SCUBE3: variants seen among roughly 807,000 people sequenced by gnomAD.
The protein encoded by SCUBE3 is signal peptide, CUB and EGF-like domain-containing protein 3.
SCUBE3 carries 33 observed loss-of-function variants against 116.8 expected under a neutral mutation model. That is an observed-to-expected ratio of 0.28 (90% CI 0.21 to 0.38). SCUBE3 has a LOEUF of 0.38. Among genes scored for constraint, SCUBE3 ranks in the 10% least tolerant of loss-of-function variants. The pLI is 1.00. For synonymous variants in SCUBE3, 418 were observed against 496.9 expected (o/e 0.84, Z 2.11); for missense variants, 1,007 against 1,324.8 (o/e 0.76, Z 3.72).
intron 1 of SCUBE3, chr6:35,222,775 C>CCA (rs2150286806): frequency 6.6e-6 from 1 of 152,332 alleles, no homozygotes; most frequent in South Asian, 2.1e-4. Context: ...CAAATCCTCC[C>CCA]CACCAACACA....
rs1205212811 is a variant in SCUBE3, at chr6:35,249,898, A to G, written c.*1193A>G. Reference sequence around the variant, plus strand: ...AAGTGCAATCATTTTGAGTCTTTCTATGTTGTCTAGACGGAGGGGTTTTTG... The same window carrying G: ...AAGTGCAATCATTTTGAGTCTTTCTGTGTTGTCTAGACGGAGGGGTTTTTG... On this transcript the variant is annotated 3_prime_UTR_variant, in exon 22 of 22. Transcript: ENST00000274938. The G allele has an allele frequency of 6.6e-6, 1 of 152,624 alleles. No individual in the cohort carries two copies. Among genetic ancestry groups the G allele is most frequent in the African/African-American group, 2.4e-5 (1 of 41,440 alleles). 9.5% of individuals were successfully genotyped at this position (152,624 alleles called of 1,614,324 possible). A position where few individuals can be genotyped will look rare whatever the true frequency, so the allele number is the denominator to read the frequency against.
chr6:35,223,866 G>T (rs1182551025), intron 1 of SCUBE3: 1 of 152,186 alleles, frequency 6.6e-6, no homozygotes, highest in Non-Finnish European at 1.5e-5. Flanking sequence ...TCACAGCTTT[G>T]TCTTAGGTCT....
In SCUBE3 at chr6:35,219,100, G is replaced by C. The variant is rs1158775361; in HGVS notation, c.85+4597G>C. On this transcript the variant is annotated intron_variant, in intron 1 of 21. Transcript: ENST00000274938. The surrounding 1 kb of genome is among the most constrained non-coding windows in gnomAD (Gnocchi z 4.7). ...TCCACTTCTGCCTGCCTGAGGCTAGGTCATCTGGATACTCTTCCTTTCTTC... is the reference window on the plus strand; with the variant it reads ...TCCACTTCTGCCTGCCTGAGGCTAGCTCATCTGGATACTCTTCCTTTCTTC... 6.6e-6 allele frequency among the ~76,000 whole-genome samples: 1 copy of C among 152,120 alleles called. No individual in the cohort carries two copies. The highest frequency in any genetic ancestry group is 1.5e-5 in the Non-Finnish European group (1 of 68,028).
At chr6:35,248,510 C>T (rs1253175234) in intron 21 of SCUBE3, 46 bp from the exon 22 acceptor site, 2 of 1,599,464 alleles carry the variant, frequency 1.3e-6, no homozygotes, top group Non-Finnish European at 1.7e-6. Context: ...TTCTCTTTCC[C>T]ACCCCCGACG....
rs1231700392 is a variant in SCUBE3, at chr6:35,252,696, A to T, written c.*3991A>T. Reference sequence around the variant, plus strand: ...TAGCACACCCTATCCTTGTGCCATTATTTGTACAAGGAAATATATGATTAG... The same window carrying T: ...TAGCACACCCTATCCTTGTGCCATTTTTTGTACAAGGAAATATATGATTAG... On this transcript the variant is annotated 3_prime_UTR_variant, in exon 22 of 22. Transcript: ENST00000274938. The T allele has an allele frequency of 6.6e-6, 1 of 152,190 alleles. No individual in the cohort carries two copies. Among genetic ancestry groups the T allele is most frequent in the South Asian group, 2.1e-4 (1 of 4,824 alleles). 9.4% of individuals were successfully genotyped at this position (152,190 alleles called of 1,614,324 possible).
rs2150313245 is a variant in SCUBE3, at chr6:35,243,727, T to C, written c.2043T>C (p.Leu681=). The C allele has an allele frequency of 1.2e-6, 2 of 1,614,072 alleles. No homozygotes were observed. The highest frequency in any genetic ancestry group is 4.5e-5 in the East Asian group (2 of 44,870). The change falls in exon 16 of 22, where the codon CTT becomes CTC. Residue 681 remains leucine (L), a synonymous_variant. Transcript: ENST00000274938. The surrounding 1 kb of genome is among the most constrained non-coding windows in gnomAD (Gnocchi z 6.6). The stretch of plus-strand genomic sequence containing the variant: ...CTGGGAGTGATGCCCACGGGCCTCT[T>C]GGAGCCACCAACGTCACCACGTGTG... The part of the protein sequence containing the change: ...LCPGSDAHGP[L]GATNVTTCAG...
rs1480728593 is a variant in SCUBE3, at chr6:35,245,322, G to T, written c.2496G>T (p.Trp832Cys). The T allele has an allele frequency of 6.2e-7, 1 of 1,614,112 alleles. No individual in the cohort carries two copies. Among genetic ancestry groups the T allele is most frequent in the South Asian group, 1.1e-5 (1 of 91,074 alleles). Residue 832 changes from tryptophan to cysteine, a missense_variant, in exon 19 of 22, where the codon TGG becomes TGT. Physicochemically the swap from Trp to Cys is radical, Grantham distance 215. This residue lies in a region of SCUBE3 where 544 missense variants were observed against 638.9 expected (regional missense o/e 0.85). Coordinates refer to ENST00000274938, the MANE Select transcript of SCUBE3 (RefSeq NM_152753.4). The surrounding 1 kb of genome is among the most constrained non-coding windows in gnomAD (Gnocchi z 4.2). The part of the protein sequence containing the change: ...GNYPAGVECI[W>C]NINPPPKRKI... ...ACCCAGCTGGTGTGGAGTGCATCTG[G>T]AACATCAACCCCCCACCCAAGCGCA...
At position 35,252,808 on chromosome 6, in the gene SCUBE3, T is replaced by C. The variant is rs181705985; in HGVS notation, c.*4103T>C. ...ACAAACTGAAAACTTTATACTTCTG[T>C]GTGAGCTGAACTCAAGTTTCAGAAT... On this transcript the variant is annotated 3_prime_UTR_variant, in exon 22 of 22. Coordinates refer to ENST00000274938, the MANE Select transcript of SCUBE3 (RefSeq NM_152753.4). 110 of 152,356 alleles carry C rather than the reference T, an allele frequency of 7.2e-4. No individual in the cohort carries two copies. Among genetic ancestry groups the C allele is most frequent in the African/African-American group, 2.2e-3 (93 of 41,580 alleles). The allele number at this position is 152,356 out of a possible 1,614,324, so 9.4% of individuals were successfully genotyped here.
chr6:35,229,295 A>G (rs1783441740), intron 3 of SCUBE3, among the ~76,000 whole-genome samples: 1 of 152,180 alleles, frequency 6.6e-6, no homozygotes, highest in Non-Finnish European at 1.5e-5. Context: ...GCATACCTGT[A>G]GTCCCCAGCT....
Position 35,248,721 on chromosome 6 carries a change from A to G in SCUBE3, c.*16A>G. 6.2e-7 allele frequency: 1 copy of G among 1,612,422 alleles called. No individual in the cohort carries two copies. Among genetic ancestry groups the G allele is most frequent in the Non-Finnish European group, 8.5e-7 (1 of 1,179,098 alleles). ...CTACAAATAGTAACCCTAGGCTCAGAGACCCAATTTTTTAAGCCCCCAGAC... is the reference window on the plus strand; with the variant it reads ...CTACAAATAGTAACCCTAGGCTCAGGGACCCAATTTTTTAAGCCCCCAGAC... On this transcript the variant is annotated 3_prime_UTR_variant, in exon 22 of 22. Transcript: ENST00000274938.
chr6:35,246,177 T>C, intron 20 of SCUBE3, 29 bp from the exon 21 acceptor site: 1 of 1,612,118 alleles, frequency 6.2e-7, no homozygotes, highest in South Asian at 1.1e-5. Context: ...CTCCCGCCCC[T>C]GAGCCCCTCA....
chr6:35,250,025 A>G lies in SCUBE3; in HGVS notation c.*1320A>G, dbSNP rs2150320332. On this transcript the variant is annotated 3_prime_UTR_variant, in exon 22 of 22. Coordinates refer to ENST00000274938, the MANE Select transcript of SCUBE3 (RefSeq NM_152753.4). ...AGAGTGTATGTTTGGAGTGGAAGAA[A>G]ATCGGTTTTGAATCTCATGAACCTT... 6.5e-6 allele frequency: 1 copy of G among 152,754 alleles called. No homozygotes were observed. The highest frequency in any genetic ancestry group is 1.9e-4 in the East Asian group (1 of 5,180). The allele number at this position is 152,754 out of a possible 1,614,324, so 9.5% of individuals were successfully genotyped here. A position where few individuals can be genotyped will look rare whatever the true frequency, so the allele number is the denominator to read the frequency against.
At position 35,241,603 on chromosome 6, in the gene SCUBE3, C is replaced by T. The variant is rs776120221; in HGVS notation, c.1256C>T (p.Ser419Phe). 1 of 1,614,194 alleles carries T rather than the reference C, an allele frequency of 6.2e-7. No individual in the cohort carries two copies. The highest frequency in any genetic ancestry group is 8.5e-7 in the Non-Finnish European group (1 of 1,180,020). ...ASKAMLSCNR[S>F]GKKDTCALTC... ...AAAGCCATGCTCAGCTGCAACCGGTCTGGCAAGAAGGACACCTGTGCCCTG... is the reference window on the plus strand; with the variant it reads ...AAAGCCATGCTCAGCTGCAACCGGTTTGGCAAGAAGGACACCTGTGCCCTG... Residue 419 changes from serine to phenylalanine, a missense_variant, in exon 11 of 22, where the codon TCT becomes TTT. By Grantham distance (155) the Ser-to-Phe change is radical. Around this residue, in one of 5 missense-constraint regions of SCUBE3, gnomAD observed 544 missense variants for 638.9 expected, o/e 0.85. Transcript: ENST00000274938. This position sits in a 1 kb window ranked among gnomAD's most constrained non-coding sequence, Gnocchi z 4.1.
chr6:35,220,093 T>C (rs1170592116), intron 1 of SCUBE3, among the ~76,000 whole-genome samples: 4 of 152,204 alleles, frequency 2.6e-5, no homozygotes, highest in African/African-American at 9.7e-5. Flanking sequence ...GCTCCACGGT[T>C]ATATACTGGA....
In SCUBE3 at chr6:35,219,233, A is replaced by T. The variant is rs957330391; in HGVS notation, c.85+4730A>T. 3.9e-5 allele frequency among the ~76,000 whole-genome samples: 6 copies of T among 152,158 alleles called. No homozygotes were observed. Among genetic ancestry groups the T allele is most frequent in the Non-Finnish European group, 8.8e-5 (6 of 68,020 alleles). On this transcript the variant is annotated intron_variant, in intron 1 of 21. Coordinates refer to ENST00000274938, the MANE Select transcript of SCUBE3 (RefSeq NM_152753.4). The surrounding 1 kb of genome is among the most constrained non-coding windows in gnomAD (Gnocchi z 4.7). ...CCCTGAAGAACACATGTGTGTTTCT[A>T]TATGTGTGTATCCAACAAAGTTGGG...
rs918752694 is a variant in SCUBE3, at chr6:35,214,333, C to T, written c.-86C>T. The T allele has an allele frequency of 2.4e-6, 2 of 819,944 alleles. No homozygotes were observed. Among genetic ancestry groups the T allele is most frequent in the East Asian group, 6.9e-5 (2 of 28,968 alleles). 50.8% of individuals were successfully genotyped at this position (819,944 alleles called of 1,614,324 possible). On this transcript the variant is annotated 5_prime_UTR_variant, in exon 1 of 22. Transcript: ENST00000274938. This position sits in a 1 kb window ranked among gnomAD's most constrained non-coding sequence, Gnocchi z 6.3. The stretch of plus-strand genomic sequence containing the variant: ...CGGCGGGGCGCCCCCTCCCCTCCCC[C>T]TCCTGCGAGCTGGGATCCGGCCGGC...
chr6:35,248,246 A>T (rs9366882), intron 21 of SCUBE3, among the ~76,000 whole-genome samples: 101,721 of 152,036 alleles, frequency 0.67, 37,486 homozygotes, highest in Non-Finnish European at 0.82. Context: ...TGGGAAGATG[A>T]TAAGTGGTCA....
chr6:35,240,500 T>G lies in SCUBE3; in HGVS notation c.1069+10T>G. The G allele has an allele frequency of 6.8e-7, 1 of 1,462,258 alleles. No homozygotes were observed. The highest frequency in any genetic ancestry group is 9.5e-7 in the Non-Finnish European group (1 of 1,052,892). 90.6% of individuals were successfully genotyped at this position (1,462,258 alleles called of 1,614,324 possible). ...ATCACCCACTGTGGGGGTAAGCTAG[T>G]AAGCTTGCACCCCCAGCCACCCTGG... On this transcript the variant is annotated intron_variant, in intron 9 of 21. Coordinates refer to ENST00000274938, the MANE Select transcript of SCUBE3 (RefSeq NM_152753.4). This position sits in a 1 kb window ranked among gnomAD's most constrained non-coding sequence, Gnocchi z 4.6.
chr6:35,245,267 A>G lies in SCUBE3; in HGVS notation c.2441A>G (p.Tyr814Cys). The part of the protein sequence containing the change: ...CGGELGEFTG[Y>C]IESPNYPGNY... ...GGGGAGCTGGGTGAGTTCACTGGCT[A>G]TATTGAGTCCCCCAACTACCCGGGC... Residue 814 changes from tyrosine (Y) to cysteine (C), a missense_variant, in exon 19 of 22, where the codon TAT (tyrosine) becomes TGT (cysteine). By Grantham distance (194) the Tyr-to-Cys change is radical. Coordinates refer to ENST00000274938, the MANE Select transcript of SCUBE3 (RefSeq NM_152753.4). The surrounding 1 kb of genome is among the most constrained non-coding windows in gnomAD (Gnocchi z 4.2). 6.2e-7 allele frequency: 1 copy of G among 1,614,106 alleles called. No homozygotes were observed. Among genetic ancestry groups the G allele is most frequent in the Non-Finnish European group, 8.5e-7 (1 of 1,180,024 alleles).
Sources: allele counts gnomAD v4.1 joint callset (sites outside exome capture counted in the v4.1 genomes callset), GRCh38; gene constraint gnomAD v4.1.1; regional missense constraint gnomAD v4.1.1; non-coding constraint Gnocchi (gnomAD v3.1); transcripts MANE v1.5; gene names NCBI Gene and HGNC (gene_info 2026-07-23, HGNC 2026-07-21).